The following TMEM44 variants were observed in gnomAD, a reference collection of about 807,000 sequenced individuals.
The protein encoded by TMEM44 is transmembrane protein 44.
TMEM44 carries 43 observed loss-of-function variants against 47.8 expected under a neutral mutation model. The observed-to-expected ratio is 0.90, with a 90% confidence interval of 0.70 to 1.16. TMEM44 has a LOEUF of 1.16. Ranked by LOEUF, TMEM44 falls within the 50% of genes most tolerant of loss-of-function variation. TMEM44 has a pLI of 0.00. For synonymous variants in TMEM44, 277 were observed against 238.8 expected (o/e 1.16, Z -1.48); for missense variants, 568 against 555.2 (o/e 1.02, Z -0.23).
chr3:194,594,683 C>T (rs1472369394), intron 9 of TMEM44, among the ~76,000 whole-genome samples: 1 of 150,494 alleles, frequency 6.6e-6, no homozygotes, highest in Non-Finnish European at 1.5e-5. Flanking sequence ...GTTCCACACA[C>T]TCTGGAAAAG....
At chr3:194,616,596 G>A (rs1371120136) in intron 6 of TMEM44, 1 of 456,740 alleles carries the variant, frequency 2.2e-6, no homozygotes, top group Non-Finnish European at 4.4e-6. Flanking sequence ...AGCTGGAAGA[G>A]GCAAGCGAAG....
At chr3:194,593,130 C>T in intron 9 of TMEM44, 5 of 1,578,780 alleles carry the variant, frequency 3.2e-6, no homozygotes, top group Non-Finnish European at 2.6e-6. Flanking sequence ...CACCATCCCA[C>T]AGCAGAGCAG....
intron 9 of TMEM44, among the ~76,000 whole-genome samples, chr3:194,602,912 T>A (rs1714314751): frequency 6.6e-6 from 1 of 152,180 alleles, no homozygotes; most frequent in East Asian, 1.9e-4. Context: ...ATAAGGCCAA[T>A]TAAAACCCAA....
chr3:194,633,237 C>T lies in TMEM44; in HGVS notation c.-22G>A. On this transcript the variant is annotated 5_prime_UTR_variant, in exon 1 of 10. Coordinates refer to ENST00000347147, the MANE Select transcript of TMEM44 (RefSeq NM_001011655.3). ...CCATGGCGCGGCTGGGCGCGCGGCGCGGGGCCGGGGACCTGGGCGCAGCCT... is the reference window on the plus strand; with the variant it reads ...CCATGGCGCGGCTGGGCGCGCGGCGTGGGGCCGGGGACCTGGGCGCAGCCT... 7.8e-7 allele frequency: 1 copy of T among 1,278,218 alleles called. No homozygotes were observed. The highest frequency in any genetic ancestry group is 2.2e-5 in the South Asian group (1 of 44,474). The allele number at this position is 1,278,218 out of a possible 1,614,324, so 79.2% of individuals were successfully genotyped here.
intron 3 of TMEM44, among the ~76,000 whole-genome samples, chr3:194,624,194 C>G (rs1157395378): frequency 6.6e-6 from 1 of 152,138 alleles, no homozygotes; most frequent in Admixed American, 6.6e-5. Context: ...CTGAGCAATT[C>G]TGTTTATTTT....
intron 9 of TMEM44, chr3:194,590,273 G>A (rs1560152450): frequency 6.6e-6 from 1 of 152,224 alleles, no homozygotes; most frequent in Non-Finnish European, 1.5e-5. Context: ...ACTGAATCGA[G>A]TACTAATACT....
chr3:194,619,610 C>T (rs1019740321), intron 5 of TMEM44, among the ~76,000 whole-genome samples: 17 of 152,238 alleles, frequency 1.1e-4, no homozygotes, highest in African/African-American at 4.1e-4. Flanking sequence ...CAAAGCCACC[C>T]AGCCATCTTC....
intron 1 of TMEM44, among the ~76,000 whole-genome samples, chr3:194,631,250 G>A (rs747679209): frequency 4.0e-5 from 6 of 151,626 alleles, no homozygotes; most frequent in Admixed American, 1.3e-4. Context: ...TTCTATCGGC[G>A]TCACTGATAG....
At chr3:194,609,262 G>C (rs142529152) in intron 8 of TMEM44, among the ~76,000 whole-genome samples, 471 of 152,266 alleles carry the variant, frequency 3.1e-3, no homozygotes, top group Admixed American at 5.2e-3. Flanking sequence ...ACGGAGACAC[G>C]AATGGGGGAA....
At chr3:194,612,210 G>C (rs1715400467) in intron 7 of TMEM44, among the ~76,000 whole-genome samples, 1 of 152,126 alleles carries the variant, frequency 6.6e-6, no homozygotes, top group Non-Finnish European at 1.5e-5. Flanking sequence ...AGAGACTCCA[G>C]AGGCTTCTAC....
intron 9 of TMEM44, among the ~76,000 whole-genome samples, chr3:194,603,923 G>A (rs113615534): frequency 6.6e-6 from 1 of 151,748 alleles, no homozygotes; most frequent in South Asian, 2.1e-4. Flanking sequence ...GCGCAATCTC[G>A]GCTCACTGCA....
chr3:194,592,984 C>G, intron 9 of TMEM44: 1 of 1,600,946 alleles, frequency 6.2e-7, no homozygotes, highest in Non-Finnish European at 8.6e-7. Context: ...AAAACAGGAA[C>G]TGAAATCAAG....
At chr3:194,606,461 C>T (rs1352158107) in intron 8 of TMEM44, among the ~76,000 whole-genome samples, 5 of 152,118 alleles carry the variant, frequency 3.3e-5, no homozygotes, top group Non-Finnish European at 7.3e-5. Context: ...AACTGCTAAC[C>T]GAGCAGGTAC....
At chr3:194,628,556 A>G (rs1262679704) in intron 1 of TMEM44, 47 bp from the exon 2 acceptor site, 1 of 1,551,236 alleles carries the variant, frequency 6.4e-7, no homozygotes, top group Non-Finnish European at 8.7e-7. Flanking sequence ...GTGAGTTTGG[A>G]CCCAAACGCA....
At chr3:194,608,556 G>T (rs7642318) in intron 8 of TMEM44, among the ~76,000 whole-genome samples, 55,602 of 152,122 alleles carry the variant, frequency 0.37, 10,971 homozygotes, top group East Asian at 0.76. Flanking sequence ...AAGGACAGAC[G>T]GGTCCTGCTT....
At chr3:194,620,101 G>A (rs1394482046) in intron 5 of TMEM44, among the ~76,000 whole-genome samples, 6 of 152,030 alleles carry the variant, frequency 3.9e-5, no homozygotes. Flanking sequence ...GACCAGCCTG[G>A]CCAACATGGA....
intron 1 of TMEM44, among the ~76,000 whole-genome samples, chr3:194,629,139 G>A (rs542617228): frequency 6.6e-6 from 1 of 151,944 alleles, no homozygotes; most frequent in Non-Finnish European, 1.5e-5. Context: ...ACTCCAGCCT[G>A]GGTGACAAAG....
At chr3:194,607,511 A>C (rs1714901051) in intron 8 of TMEM44, among the ~76,000 whole-genome samples, 1 of 152,170 alleles carries the variant, frequency 6.6e-6, no homozygotes, top group Non-Finnish European at 1.5e-5. Flanking sequence ...TGCCAAGTAC[A>C]AGGCTGTACA....
chr3:194,623,966 T>G (rs1422355228), intron 3 of TMEM44, among the ~76,000 whole-genome samples: 1 of 152,194 alleles, frequency 6.6e-6, no homozygotes, highest in Admixed American at 6.5e-5. Context: ...CTTCTCTCTA[T>G]GCATCTGCGT....
Sources: allele counts gnomAD v4.1 joint callset (sites outside exome capture counted in the v4.1 genomes callset), GRCh38; gene constraint gnomAD v4.1.1; transcripts MANE v1.5; gene names NCBI Gene and HGNC (gene_info 2026-07-23, HGNC 2026-07-21).